Variants in SEMA5A observed in about 807,000 individuals in gnomAD.
The protein encoded by SEMA5A is semaphorin-5A.
Under a neutral mutation model 135.5 loss-of-function variants are expected in SEMA5A, and 55 were observed. That is an observed-to-expected ratio of 0.41 (90% CI 0.33 to 0.51). The LOEUF (loss-of-function observed/expected upper bound fraction) is 0.51. Ranked by LOEUF, SEMA5A falls within the 20% of genes least tolerant of loss-of-function variation. The pLI, the probability that SEMA5A is intolerant of heterozygous loss-of-function variation, is 0.37. For missense variants in SEMA5A, 1,290 were observed against 1,419.9 expected (o/e 0.91, Z 1.47); for synonymous variants, 580 against 546.5 (o/e 1.06, Z -0.85).
intron 5 of SEMA5A, among the ~76,000 whole-genome samples, chr5:9,240,166 C>A (rs1433063665): frequency 1.3e-5 from 2 of 151,814 alleles, no homozygotes. Flanking sequence ...ATAAATATGA[C>A]AAATCTTACA....
rs181589175 is a variant in SEMA5A, at chr5:9,270,953, A to C, written c.271-33063T>G. 7.3e-4 allele frequency among the ~76,000 whole-genome samples: 111 copies of C among 152,200 alleles called. 1 individual carries two copies. The East Asian group carries it at 0.016, about 21-fold the overall frequency. On this transcript the variant is annotated intron_variant, in intron 5 of 22. Transcript: ENST00000382496. Reference sequence around the variant, plus strand: ...TTTTATATTTTCACATATTGAAGAAAGAATTTGTGAATGTTTGCTTTCTCC... The same window carrying C: ...TTTTATATTTTCACATATTGAAGAACGAATTTGTGAATGTTTGCTTTCTCC...
intron 13 of SEMA5A, among the ~76,000 whole-genome samples, chr5:9,124,438 T>G (rs1448240371): frequency 6.6e-6 from 1 of 152,148 alleles, no homozygotes; most frequent in Non-Finnish European, 1.5e-5. Flanking sequence ...GAAGAAGGCC[T>G]AAGTCTAAGC....
At chr5:9,146,729 C>T (rs1485501497) in intron 12 of SEMA5A, among the ~76,000 whole-genome samples, 6 of 152,118 alleles carry the variant, frequency 3.9e-5, no homozygotes, top group Non-Finnish European at 7.3e-5. Flanking sequence ...TCAGGGATGC[C>T]TCATTCATCA....
intron 1 of SEMA5A, among the ~76,000 whole-genome samples, chr5:9,510,425 A>G (rs1736142193): frequency 6.6e-6 from 1 of 152,232 alleles, no homozygotes; most frequent in African/African-American, 2.4e-5. Flanking sequence ...TTATTTCTAG[A>G]TTGGTAAGCA....
chr5:9,198,257 G>A (rs1003428201), intron 9 of SEMA5A, among the ~76,000 whole-genome samples: 1 of 152,090 alleles, frequency 6.6e-6, no homozygotes, highest in East Asian at 1.9e-4. Flanking sequence ...GATAAATACT[G>A]AATAGGAACT....
At position 9,088,134 on chromosome 5, in the gene SEMA5A, C is replaced by A. The variant is rs967108684; in HGVS notation, c.2073+20006G>T. ...CCATTCTGCCCAACATGGTGAAACC[C>A]CGTCTGCACTAAAAATGCAAAAATT... On this transcript the variant is annotated intron_variant, in intron 16 of 22. Coordinates refer to ENST00000382496, the MANE Select transcript of SEMA5A (RefSeq NM_003966.3). Among the ~76,000 whole-genome samples the A allele has an allele frequency of 2.6e-5, 4 of 151,786 alleles. No individual in the cohort carries two copies. The South Asian group carries it at 6.2e-4, about 24-fold the overall frequency.
chr5:9,389,799 C>T (rs1486861819), intron 2 of SEMA5A, among the ~76,000 whole-genome samples: 1 of 152,188 alleles, frequency 6.6e-6, no homozygotes, highest in Non-Finnish European at 1.5e-5. Context: ...TTTTTTCCCA[C>T]TTTTCTCTCG....
At chr5:9,286,130 G>C (rs1000524370) in intron 5 of SEMA5A, among the ~76,000 whole-genome samples, 1 of 152,146 alleles carries the variant, frequency 6.6e-6, no homozygotes, top group African/African-American at 2.4e-5. Flanking sequence ...GCTGCAGAAT[G>C]CTAGGAGTTC....
intron 4 of SEMA5A, among the ~76,000 whole-genome samples, chr5:9,337,485 A>G (rs533367933): frequency 1.3e-5 from 2 of 152,336 alleles, no homozygotes; most frequent in South Asian, 4.1e-4. Flanking sequence ...TCATGTTAGA[A>G]CAGTTACTGG....
intron 5 of SEMA5A, among the ~76,000 whole-genome samples, chr5:9,298,891 G>A (rs566544524): frequency 5.3e-4 from 80 of 152,276 alleles, no homozygotes; most frequent in Middle Eastern, 3.4e-3. Flanking sequence ...CAGCATTTCA[G>A]TAATGAACTC....
intron 8 of SEMA5A, among the ~76,000 whole-genome samples, chr5:9,207,590 T>C (rs754560836): frequency 8.5e-5 from 13 of 152,170 alleles, no homozygotes; most frequent in Non-Finnish European, 1.5e-4. Context: ...TGTTCCTAAA[T>C]TGTTGGTATC....
At chr5:9,048,650 G>A (rs1257930940) in intron 21 of SEMA5A, among the ~76,000 whole-genome samples, 2 of 152,170 alleles carry the variant, frequency 1.3e-5, no homozygotes, top group East Asian at 3.8e-4. Context: ...AAGCTGCTGA[G>A]TTCCAAAACC....
chr5:9,177,928 T>C (rs1218612787), intron 11 of SEMA5A, among the ~76,000 whole-genome samples: 1 of 152,250 alleles, frequency 6.6e-6, no homozygotes, highest in Non-Finnish European at 1.5e-5. Flanking sequence ...ATTTCAGTTC[T>C]ATCTCTGATA....
At chr5:9,161,146 T>C (rs901628018) in intron 11 of SEMA5A, among the ~76,000 whole-genome samples, 1 of 151,380 alleles carries the variant, frequency 6.6e-6, no homozygotes, top group African/African-American at 2.4e-5. Context: ...TTTTTTTTAA[T>C]GGGAGTTTGA....
At chr5:9,134,554 A>C (rs1258675664) in intron 13 of SEMA5A, among the ~76,000 whole-genome samples, 1 of 152,240 alleles carries the variant, frequency 6.6e-6, no homozygotes, top group African/African-American at 2.4e-5. Flanking sequence ...CAAACACTAG[A>C]GCACAGAGGG....
Position 9,419,948 on chromosome 5 carries a change from G to T in SEMA5A, c.-78+17808C>A, listed in dbSNP as rs73034781. Among the ~76,000 whole-genome samples, 1,351 of 152,208 alleles carry T rather than the reference G, an allele frequency of 8.9e-3. 18 individuals are homozygous for T. Among genetic ancestry groups the T allele is most frequent in the African/African-American group, 0.031 (1,275 of 41,522 alleles). On this transcript the variant is annotated intron_variant, in intron 2 of 22. Coordinates refer to ENST00000382496, the MANE Select transcript of SEMA5A (RefSeq NM_003966.3). ...ATACTCTTTGATGTACATCCCAAAA[G>T]CTCTATTAGCACATCTGCAGCCAAA...
At chr5:9,284,826 T>C (rs3797975) in intron 5 of SEMA5A, among the ~76,000 whole-genome samples, 60,017 of 152,046 alleles carry the variant, frequency 0.39, 12,073 homozygotes, top group East Asian at 0.47. Flanking sequence ...CTCCTTGTGA[T>C]AATGTAGCAC....
At chr5:9,143,600 C>T in intron 12 of SEMA5A, among the ~76,000 whole-genome samples, 1 of 152,282 alleles carries the variant, frequency 6.6e-6, no homozygotes, top group Middle Eastern at 3.4e-3. Context: ...AAGATTGATA[C>T]ACATTTTACA....
At chr5:9,299,358 G>A (rs772673893) in intron 5 of SEMA5A, among the ~76,000 whole-genome samples, 5 of 152,122 alleles carry the variant, frequency 3.3e-5, no homozygotes, top group Admixed American at 6.5e-5. Flanking sequence ...GTTCAGTGTC[G>A]AGCAAAAGAA....
Sources: allele counts gnomAD v4.1 joint callset (sites outside exome capture counted in the v4.1 genomes callset), GRCh38; gene constraint gnomAD v4.1.1; transcripts MANE v1.5; gene names NCBI Gene and HGNC (gene_info 2026-07-23, HGNC 2026-07-21).